The following TMIGD3 variants were observed in gnomAD, a reference collection of about 807,000 sequenced individuals.
TMIGD3 encodes transmembrane and immunoglobulin domain containing 3.
Under a neutral mutation model 28.1 loss-of-function variants are expected in TMIGD3, and 21 were observed. The observed-to-expected ratio is 0.75, with a 90% confidence interval of 0.53 to 1.08. The LOEUF is 1.08. Among genes scored for constraint, TMIGD3 ranks in the 50% least tolerant of loss-of-function variants. The pLI, the probability that TMIGD3 is intolerant of heterozygous loss-of-function variation, is 0.00. For missense variants in TMIGD3, 416 were observed against 435.6 expected (o/e 0.96, Z 0.40); for synonymous variants, 151 against 162.1 (o/e 0.93, Z 0.52).
intron 1 of TMIGD3, among the ~76,000 whole-genome samples, chr1:111,521,789 G>A (rs905549379): frequency 8.5e-5 from 13 of 152,074 alleles, no homozygotes; most frequent in South Asian, 2.1e-4. Context: ...ATTTTTGCTC[G>A]TATATTTTGT....
intron 1 of TMIGD3, among the ~76,000 whole-genome samples, chr1:111,520,735 T>C (rs1017911177): frequency 2.6e-5 from 4 of 152,238 alleles, no homozygotes; most frequent in African/African-American, 7.2e-5. Flanking sequence ...GTGGAATGGA[T>C]ATGTCAGACT....
At chr1:111,506,148 G>A (rs901035430), upstream of TMIGD3, among the ~76,000 whole-genome samples, 1 of 152,180 alleles carries the variant, frequency 6.6e-6, no homozygotes, top group Non-Finnish European at 1.5e-5. Context: ...ACTGTGCTGT[G>A]TGTATATGAC....
chr1:111,490,648 C>G lies in TMIGD3; in HGVS notation c.457+8G>C. ...AAAGGGCTGGAGCTGTTCCGTCCCCCATCCTACCTGAAATGAGAGCCAAGG... is the reference window on the plus strand; with the variant it reads ...AAAGGGCTGGAGCTGTTCCGTCCCCGATCCTACCTGAAATGAGAGCCAAGG... On this transcript the variant is annotated splice_region_variant and intron_variant, in intron 2 of 5. Coordinates refer to ENST00000369716, the MANE Select transcript of TMIGD3 (RefSeq NM_020683.7). The G allele has an allele frequency of 6.2e-7, 1 of 1,604,450 alleles. No homozygotes were observed. Among genetic ancestry groups the G allele is most frequent in the Non-Finnish European group, 8.5e-7 (1 of 1,171,348 alleles).
intron 1 of TMIGD3, among the ~76,000 whole-genome samples, chr1:111,515,206 T>C (rs1486861047): frequency 6.6e-6 from 1 of 152,198 alleles, no homozygotes; most frequent in Non-Finnish European, 1.5e-5. Context: ...AGACCTAGTT[T>C]CTTGACCCAG....
upstream of TMIGD3, among the ~76,000 whole-genome samples, chr1:111,505,664 C>G (rs558019864): frequency 1.3e-5 from 2 of 152,274 alleles, no homozygotes; most frequent in South Asian, 4.1e-4. Context: ...CCCATTCCTA[C>G]CGCTGCACCC....
chr1:111,492,615 A>C (rs545068056), intron 1 of TMIGD3, among the ~76,000 whole-genome samples: 1 of 152,204 alleles, frequency 6.6e-6, no homozygotes, highest in South Asian at 2.1e-4. Context: ...GGAGTTCGAG[A>C]CCAGCCTGGC....
intron 1 of TMIGD3, among the ~76,000 whole-genome samples, chr1:111,538,071 G>C (rs1656699486): frequency 6.6e-6 from 1 of 151,906 alleles, no homozygotes; most frequent in African/African-American, 2.4e-5. Context: ...AAAAAGAGTT[G>C]GCTCAGAAAA....
intron 1 of TMIGD3, among the ~76,000 whole-genome samples, chr1:111,514,416 G>A (rs917342454): frequency 1.3e-5 from 2 of 152,104 alleles, no homozygotes; most frequent in Non-Finnish European, 2.9e-5. Flanking sequence ...TGGGCGTGGT[G>A]TAAAAAATTA....
At chr1:111,550,196 C>T (rs1035730048) in intron 1 of TMIGD3, among the ~76,000 whole-genome samples, 7 of 152,098 alleles carry the variant, frequency 4.6e-5, no homozygotes, top group East Asian at 1.9e-4. Context: ...TCCTGATTTT[C>T]GTAATTTCAG....
At chr1:111,502,318 T>C (rs1352181552) in intron 1 of TMIGD3, among the ~76,000 whole-genome samples, 5 of 77,820 alleles carry the variant, frequency 6.4e-5, no homozygotes, top group African/African-American at 2.6e-4. Context: ...TTATAATGAA[T>C]ATATATAGGA....
At chr1:111,524,894 A>C (rs1023072626) in intron 1 of TMIGD3, among the ~76,000 whole-genome samples, 1 of 152,226 alleles carries the variant, frequency 6.6e-6, no homozygotes, top group Admixed American at 6.5e-5. Context: ...TGCTGGGATT[A>C]CAGGCATGAG....
intron 1 of TMIGD3, among the ~76,000 whole-genome samples, chr1:111,560,794 G>A (rs1478145899): frequency 6.6e-6 from 1 of 152,068 alleles, no homozygotes; most frequent in South Asian, 2.1e-4. Flanking sequence ...ACCTGGCTGG[G>A]TAAATAGTTC....
intron 1 of TMIGD3, among the ~76,000 whole-genome samples, chr1:111,556,040 C>T (rs190596162): frequency 8.5e-5 from 13 of 152,190 alleles, no homozygotes; most frequent in South Asian, 2.1e-4. Flanking sequence ...ATATATAAAA[C>T]GCACAAGAAA....
In TMIGD3 at chr1:111,558,484, G is replaced by A. The variant is rs111310346; in HGVS notation, c.107+5362C>T. Among the ~76,000 whole-genome samples, 240 of 152,240 alleles carry A rather than the reference G, an allele frequency of 1.6e-3. 1 individual carries two copies. Among genetic ancestry groups the A allele is most frequent in the African/African-American group, 5.5e-3 (227 of 41,540 alleles). On this transcript the variant is annotated intron_variant, in intron 1 of 5. Transcript: ENST00000369717. ...CTACAGGCATAAGCCAAAGCACCTG[G>A]AGGGAAATAATTTTTAAAAAGCACT...
At chr1:111,522,403 C>G (rs1333569706) in intron 1 of TMIGD3, among the ~76,000 whole-genome samples, 1 of 152,168 alleles carries the variant, frequency 6.6e-6, no homozygotes, top group South Asian at 2.1e-4. Context: ...ACACACACAT[C>G]ATATCTCTCC....
At chr1:111,526,022 T>C (rs1656249808) in intron 1 of TMIGD3, among the ~76,000 whole-genome samples, 1 of 152,242 alleles carries the variant, frequency 6.6e-6, no homozygotes, top group African/African-American at 2.4e-5. Context: ...CCATTTTTTT[T>C]CTATTCCATC....
At chr1:111,552,116 A>T (rs2101036945) in intron 1 of TMIGD3, among the ~76,000 whole-genome samples, 1 of 152,344 alleles carries the variant, frequency 6.6e-6, no homozygotes, top group East Asian at 1.9e-4. Flanking sequence ...TTGTGTTTTC[A>T]ACAAATGACT....
Position 111,517,657 on chromosome 1 carries a change from TGAGACTGAAA to T in TMIGD3, c.108-26905_108-26896del, listed in dbSNP as rs1390483654. Among the ~76,000 whole-genome samples the T allele has an allele frequency of 1.3e-4, 20 of 152,182 alleles. No individual in the cohort carries two copies. In the East Asian group the frequency reaches 1.3e-3, roughly 10 times the overall value. ...TGAGCTTATTTTCACATCTGTAAAG[TGAGACTGAAA>T]GAGGTTAATAAAAGCCACTTCAAAG... On this transcript the variant is annotated intron_variant, in intron 1 of 5. Transcript: ENST00000369717.
At chr1:111,544,441 A>T (rs1337235980) in intron 1 of TMIGD3, among the ~76,000 whole-genome samples, 1 of 152,222 alleles carries the variant, frequency 6.6e-6, no homozygotes, top group African/African-American at 2.4e-5. Flanking sequence ...ATTTCTATAG[A>T]TGAAATAATA....
Sources: allele counts gnomAD v4.1 joint callset (sites outside exome capture counted in the v4.1 genomes callset), GRCh38; gene constraint gnomAD v4.1.1; transcripts MANE v1.5; gene names NCBI Gene and HGNC (gene_info 2026-07-23, HGNC 2026-07-21).